Variants in LOXL2 observed in about 807,000 individuals in gnomAD.
LOXL2 encodes lysyl oxidase like 2.
Under a neutral mutation model 93.0 loss-of-function variants are expected in LOXL2, and 70 were observed. That is an observed-to-expected ratio of 0.75 (90% CI 0.62 to 0.92). LOXL2 has a LOEUF of 0.92. LOXL2 is among the 40% of genes least tolerant of loss of function. The pLI is 0.00. For synonymous variants in LOXL2, 438 were observed against 413.2 expected (o/e 1.06, Z -0.73); for missense variants, 973 against 1,054.9 (o/e 0.92, Z 1.08).
Position 23,298,910 on chromosome 8 carries a change from T to C in LOXL2, c.2171A>G (p.Asp724Gly). The C allele has an allele frequency of 6.2e-7, 1 of 1,613,750 alleles. No homozygotes were observed. Among genetic ancestry groups the C allele is most frequent in the Non-Finnish European group, 8.5e-7 (1 of 1,179,702 alleles). The change falls in exon 13 of 14, where the codon GAT (aspartate) becomes GGT (glycine). Residue 724 changes from aspartate (D) to glycine (G), a missense_variant. Coordinates refer to ENST00000389131, the MANE Select transcript of LOXL2 (RefSeq NM_002318.3). ...GCATTTCATGATGTTGTTGGAGTAA[T>C]CGGATTCTGCAACCTCGAAGTTGGG... Reference protein sequence around the residue: ...INPNFEVAESDYSNNIMKCRS... With the variant: ...INPNFEVAESGYSNNIMKCRS...
chr8:23,308,054 G>A (rs1803258027), intron 10 of LOXL2, among the ~76,000 whole-genome samples: 1 of 151,856 alleles, frequency 6.6e-6, no homozygotes, highest in African/African-American at 2.4e-5. Flanking sequence ...GCCCGAGCCG[G>A]GATTCCTGCT....
At chr8:23,365,529 T>C (rs1273847007) in intron 2 of LOXL2, 1 of 152,030 alleles carries the variant, frequency 6.6e-6, no homozygotes, top group Non-Finnish European at 1.5e-5. Context: ...TTTTTTTTTT[T>C]CAAGCATCTG....
intron 2 of LOXL2, among the ~76,000 whole-genome samples, chr8:23,361,638 C>A (rs1212519646): frequency 1.3e-5 from 2 of 152,074 alleles, no homozygotes; most frequent in African/African-American, 4.8e-5. Flanking sequence ...ATCAGGAGAT[C>A]GAGACCATCC....
chr8:23,385,834 A>C (rs1804751628), intron 1 of LOXL2: 1 of 648,698 alleles, frequency 1.5e-6, no homozygotes, highest in Admixed American at 2.3e-5. Flanking sequence ...ATATGGAATC[A>C]ATACAAAAAT....
intron 9 of LOXL2, among the ~76,000 whole-genome samples, chr8:23,310,950 G>C (rs1803311621): frequency 6.6e-6 from 1 of 152,236 alleles, no homozygotes; most frequent in Non-Finnish European, 1.5e-5. Flanking sequence ...TGAGCTTTCA[G>C]TGAACACTTC....
At chr8:23,309,544 G>A (rs1803288534) in intron 10 of LOXL2, 124 bp downstream of exon 10, 2 of 1,148,036 alleles carry the variant, frequency 1.7e-6, no homozygotes, top group Non-Finnish European at 2.3e-6. Context: ...CACTTAGGAG[G>A]ATCCTATCCC....
chr8:23,320,037 C>T lies in LOXL2; in HGVS notation c.1318G>A (p.Gly440Ser), dbSNP rs778460550. The T allele has an allele frequency of 1.1e-5, 17 of 1,613,862 alleles. No individual in the cohort carries two copies. The highest frequency in any genetic ancestry group is 5.5e-5 in the South Asian group (5 of 91,084). ...ACTCGGCCCTCGTAGGGATTGCGGC[C>T]GCCGTTCAGGCGCAGCTGCAGACAC... ...GLQKKLRLNG[G>S]RNPYEGRVEV... Residue 440 changes from glycine (G) to serine (S), a missense_variant, in exon 8 of 14, where the codon GGC becomes AGC. Physicochemically the swap from Gly to Ser is moderately conservative, Grantham distance 56. Coordinates refer to ENST00000389131, the MANE Select transcript of LOXL2 (RefSeq NM_002318.3).
At chr8:23,369,796 C>G (rs1414712178) in intron 1 of LOXL2, among the ~76,000 whole-genome samples, 1 of 152,112 alleles carries the variant, frequency 6.6e-6, no homozygotes. Context: ...AGCTCCTGAC[C>G]AACGGACCAA....
chr8:23,336,642 G>A (rs1336998394), intron 4 of LOXL2: 1 of 152,292 alleles, frequency 6.6e-6, no homozygotes, highest in Non-Finnish European at 1.5e-5. Context: ...CAGATGCCGT[G>A]GGATTCTGCC....
intron 3 of LOXL2, among the ~76,000 whole-genome samples, chr8:23,341,764 A>G (rs1803886392): frequency 6.6e-6 from 1 of 152,212 alleles, no homozygotes; most frequent in Admixed American, 6.5e-5. Flanking sequence ...CCTCTCTTCA[A>G]AAATCCTTAG....
At chr8:23,335,022 C>T (rs1468713803) in intron 4 of LOXL2, among the ~76,000 whole-genome samples, 1 of 152,110 alleles carries the variant, frequency 6.6e-6, no homozygotes, top group African/African-American at 2.4e-5. Context: ...CACCGTGTTG[C>T]CAGGCTGCTC....
intron 5 of LOXL2, chr8:23,331,797 AGGC>A (rs1803682793): frequency 6.6e-6 from 1 of 152,138 alleles, no homozygotes; most frequent in African/African-American, 2.4e-5. Flanking sequence ...GCACTTTGGG[AGGC>A]TGAGGCGGGT....
chr8:23,361,610 A>T (rs1804291697), intron 2 of LOXL2, among the ~76,000 whole-genome samples: 1 of 152,214 alleles, frequency 6.6e-6, no homozygotes, highest in Non-Finnish European at 1.5e-5. Context: ...TTGGAGGCCA[A>T]GGCAGGTGGA....
At chr8:23,350,002 G>A (rs7846631) in intron 3 of LOXL2, among the ~76,000 whole-genome samples, 37,333 of 151,724 alleles carry the variant, frequency 0.25, 5,493 homozygotes, top group African/African-American at 0.43. Flanking sequence ...ACATAAGCAC[G>A]ACTTGTGTGA....
At chr8:23,383,746 T>C (rs976441422) in intron 1 of LOXL2, among the ~76,000 whole-genome samples, 63 of 148,178 alleles carry the variant, frequency 4.3e-4, no homozygotes, top group Non-Finnish European at 7.4e-4. Flanking sequence ...CTGCAAGCTC[T>C]GCCTCCCGGG....
rs560453630 is a variant in LOXL2, at chr8:23,297,021, G to C, written c.*1022C>G. On this transcript the variant is annotated 3_prime_UTR_variant, in exon 14 of 14. Coordinates refer to ENST00000389131, the MANE Select transcript of LOXL2 (RefSeq NM_002318.3). Reference sequence around the variant, plus strand: ...CTGCCCCTTTTGGAGTCTATTGAAGGAGGTGCCCTGGTGGCCACACTGGGC... The same window carrying C: ...CTGCCCCTTTTGGAGTCTATTGAAGCAGGTGCCCTGGTGGCCACACTGGGC... Among the ~76,000 whole-genome samples the C allele has an allele frequency of 6.6e-6, 1 of 152,222 alleles. No individual in the cohort carries two copies. The highest frequency in any genetic ancestry group is 1.5e-5 in the Non-Finnish European group (1 of 68,008).
chr8:23,341,242 C>T, intron 3 of LOXL2, 39 bp from the exon 4 acceptor site: 1 of 1,527,206 alleles, frequency 6.5e-7, no homozygotes, highest in Non-Finnish European at 9.1e-7. Context: ...GGTTACCCTA[C>T]TGGCCTGGCT....
At chr8:23,333,849 C>T (rs943711732) in intron 4 of LOXL2, among the ~76,000 whole-genome samples, 5 of 152,236 alleles carry the variant, frequency 3.3e-5, no homozygotes, top group African/African-American at 1.2e-4. Context: ...ACAAGGCCTC[C>T]TGCCCTCAGG....
intron 6 of LOXL2, among the ~76,000 whole-genome samples, chr8:23,324,863 G>A (rs563089606): frequency 5.3e-4 from 81 of 152,346 alleles, no homozygotes; most frequent in African/African-American, 1.9e-3. Context: ...CACGGGTTCT[G>A]CATATTGTAA....
Sources: gnomAD v4.1 joint callset for allele counts (sites outside exome capture counted in the v4.1 genomes callset) on GRCh38, gnomAD v4.1.1 for gene constraint, MANE v1.5 for transcripts, NCBI Gene and HGNC (gene_info 2026-07-23, HGNC 2026-07-21) for gene names.